The following EGFR variants were observed in gnomAD, a reference collection of about 807,000 sequenced individuals.
EGFR encodes avian erythroblastic leukemia viral (v-erb-b) oncogene homolog.
Under a neutral mutation model 143.0 loss-of-function variants are expected in EGFR, and 58 were observed. The ratio of observed to expected loss-of-function variants is 0.41; its 90% CI spans 0.33 to 0.50. The LOEUF (loss-of-function observed/expected upper bound fraction) is 0.50, where lower values mean the gene tolerates loss of function less well. EGFR is among the 20% of genes least tolerant of loss of function. The pLI is 0.39. For missense variants in EGFR, 1,307 were observed against 1,579.0 expected (o/e 0.83, Z 2.92); for synonymous variants, 613 against 594.4 (o/e 1.03, Z -0.45).
At position 55,019,244 on chromosome 7, in the gene EGFR, G is replaced by C. The variant is rs2128853183; in HGVS notation, c.-34G>C. 2.7e-6 allele frequency: 4 copies of C among 1,457,096 alleles called. No homozygotes were observed. Among genetic ancestry groups the C allele is most frequent in the East Asian group, 3.0e-5 (1 of 33,004 alleles). The allele number at this position is 1,457,096 out of a possible 1,614,324, so 90.3% of individuals were successfully genotyped here. A position where few individuals can be genotyped will look rare whatever the true frequency, so the allele number is the denominator to read the frequency against. On this transcript the variant is annotated 5_prime_UTR_variant, in exon 1 of 28. Coordinates refer to ENST00000275493, the MANE Select transcript of EGFR (RefSeq NM_005228.5). The stretch of plus-strand genomic sequence containing the variant: ...CCCCTGACTCCGTCCAGTATTGATC[G>C]GGAGAGCCGGAGCGAGCTCTTCGGG...
At chr7:55,155,752 G>A (rs1785377261) in intron 7 of EGFR, 78 bp from the exon 8 acceptor site, 3 of 1,095,312 alleles carry the variant, frequency 2.7e-6, no homozygotes, top group East Asian at 2.4e-5. Context: ...CACCCCTCAA[G>A]AGGACCTGGA....
At chr7:55,170,356 T>C (rs2128950510) in intron 15 of EGFR, 1 of 1,614,194 alleles carries the variant, frequency 6.2e-7, no homozygotes, top group Non-Finnish European at 8.5e-7. Context: ...TTTTAAACTA[T>C]CATCCTGTAA....
rs1252555611 is a variant in EGFR at position 55,156,774 on chromosome 7, T to C, written c.1149T>C (p.His383=). The C allele has an allele frequency of 1.2e-6, 2 of 1,614,212 alleles. No individual in the cohort carries two copies. Among genetic ancestry groups the C allele is most frequent in the Non-Finnish European group, 8.5e-7 (1 of 1,180,036 alleles). Residue 383 remains histidine (H), a synonymous_variant, in exon 10 of 28, where the codon CAT becomes CAC. Coordinates refer to ENST00000275493, the MANE Select transcript of EGFR (RefSeq NM_005228.5). ...TTTGTTTCAGTGACTCCTTCACACA[T>C]ACTCCTCCTCTGGATCCACAGGAAC... The part of the protein sequence containing the change: ...PVAFRGDSFT[H]TPPLDPQELD...
intron 5 of EGFR, 37 bp downstream of exon 5, chr7:55,151,399 G>A (rs377574069): frequency 1.2e-5 from 19 of 1,602,704 alleles, no homozygotes; most frequent in Middle Eastern, 1.7e-4. Flanking sequence ...ATGTGTGACC[G>A]CCCCTCTCTT....
chr7:55,173,918 C>A lies in EGFR; in HGVS notation c.2062-3C>A, dbSNP rs778075962. 1.2e-6 allele frequency: 2 copies of A among 1,614,148 alleles called. No homozygotes were observed. Among genetic ancestry groups the A allele is most frequent in the Admixed American group, 1.7e-5 (1 of 60,016 alleles). On this transcript the variant is annotated splice_region_variant and splice_polypyrimidine_tract_variant and intron_variant, in intron 17 of 27. Coordinates refer to ENST00000275493, the MANE Select transcript of EGFR (RefSeq NM_005228.5). ...CTTGTCTCTGTGTTCTTGTCCCCCC[C>A]AGCTTGTGGAGCCTCTTACACCCAG... is the stretch of plus-strand genomic sequence containing the variant.
chr7:55,141,806 G>A (rs528375101), intron 1 of EGFR, among the ~76,000 whole-genome samples: 1 of 152,232 alleles, frequency 6.6e-6, no homozygotes, highest in South Asian at 2.1e-4. Context: ...GAAGTAAAAA[G>A]TTCATTATAT....
intron 24 of EGFR, 135 bp from the exon 25 acceptor site, chr7:55,201,053 A>C: frequency 9.1e-7 from 1 of 1,096,510 alleles, no homozygotes; most frequent in Non-Finnish European, 1.4e-6. Flanking sequence ...AATTTAGAGA[A>C]CCAAGGGGGA....
rs139697677 is a variant in EGFR, at chr7:55,145,324, G to A, written c.425-1282G>A. On this transcript the variant is annotated intron_variant, in intron 3 of 27. Transcript: ENST00000275493. ...CCTGAGTTCCATCCACCTGTGCATG[G>A]CTTTTTCATGAGTGTTTTCACGGAT... Among the ~76,000 whole-genome samples, 119 of 152,304 alleles carry A rather than the reference G, an allele frequency of 7.8e-4. No individual in the cohort carries two copies. In the Middle Eastern group the frequency reaches 0.01, roughly 13 times the overall value.
At chr7:55,110,686 G>T (rs1035588267) in intron 1 of EGFR, among the ~76,000 whole-genome samples, 8 of 152,228 alleles carry the variant, frequency 5.3e-5, no homozygotes, top group African/African-American at 1.9e-4. Context: ...TCTGTTTCCT[G>T]TTCGGATCCG....
chr7:55,059,756 G>C (rs1789058337), intron 1 of EGFR, among the ~76,000 whole-genome samples: 1 of 152,136 alleles, frequency 6.6e-6, no homozygotes, highest in Non-Finnish European at 1.5e-5. Context: ...GTAGACTTCT[G>C]TAAATACTCA....
chr7:55,170,613 G>A, intron 15 of EGFR: 1 of 1,604,756 alleles, frequency 6.2e-7, no homozygotes, highest in Middle Eastern at 2.0e-4. Context: ...GGGCCGCCAG[G>A]TTCCCAAGAG....
intron 1 of EGFR, among the ~76,000 whole-genome samples, chr7:55,120,026 G>A (rs1793102847): frequency 6.6e-6 from 1 of 152,242 alleles, no homozygotes; most frequent in Admixed American, 6.5e-5. Context: ...AGGCCAGTAT[G>A]CTGACTGGGT....
intron 1 of EGFR, among the ~76,000 whole-genome samples, chr7:55,080,273 T>C (rs750188597): frequency 1.3e-5 from 2 of 152,062 alleles, no homozygotes; most frequent in Non-Finnish European, 2.9e-5. Context: ...TTAATAGTTA[T>C]AATAATCAGG....
rs552062864 is a variant in EGFR at position 55,155,880 on chromosome 7, G to C, written c.940G>C (p.Asp314His). ...CTCGTGCGTCCGAGCCTGTGGGGCC[G>C]ACAGCTATGAGATGGAGGAAGACGG... ...HGSCVRACGA[D>H]SYEMEEDGVR... The change falls in exon 8 of 28, where the codon GAC becomes CAC. Residue 314 changes from aspartate (D) to histidine (H), a missense_variant. By Grantham distance (81) the Asp-to-His change is moderately conservative (BLOSUM62 -1). Around this residue, in one of 7 missense-constraint regions of EGFR, gnomAD observed 311 missense variants for 412.3 expected, o/e 0.75. Coordinates refer to ENST00000275493, the MANE Select transcript of EGFR (RefSeq NM_005228.5). 1 of 1,613,906 alleles carries C rather than the reference G, an allele frequency of 6.2e-7. No homozygotes were observed. Among genetic ancestry groups the C allele is most frequent in the Non-Finnish European group, 8.5e-7 (1 of 1,180,032 alleles).
At chr7:55,028,026 A>ATG (rs1491096841) in intron 1 of EGFR, among the ~76,000 whole-genome samples, 10 of 105,758 alleles carry the variant, frequency 9.5e-5, no homozygotes, top group Non-Finnish European at 1.6e-4. Flanking sequence ...ATATATATAT[A>ATG]CACACACACA....
intron 1 of EGFR, among the ~76,000 whole-genome samples, chr7:55,032,459 C>T (rs919090986): frequency 6.6e-6 from 1 of 152,196 alleles, no homozygotes; most frequent in African/African-American, 2.4e-5. Flanking sequence ...AGAACGGCAC[C>T]AGCACACACT....
chr7:55,019,331 C>A lies in EGFR; in HGVS notation c.54C>A (p.Leu18=). 1 of 1,521,744 alleles carries A rather than the reference C, an allele frequency of 6.6e-7. No individual in the cohort carries two copies. The highest frequency in any genetic ancestry group is 1.2e-5 in the South Asian group (1 of 84,120). 94.3% of individuals were successfully genotyped at this position (1,521,744 alleles called of 1,614,324 possible). ...GAALLALLAA[L]CPASRALEEK... is the part of the protein sequence containing the mutation. The stretch of plus-strand genomic sequence containing the variant: ...CGCTCCTGGCGCTGCTGGCTGCGCT[C>A]TGCCCGGCGAGTCGGGCTCTGGAGG... Residue 18 remains leucine (L), a synonymous_variant, in exon 1 of 28, where the codon CTC becomes CTA. Coordinates refer to ENST00000275493, the MANE Select transcript of EGFR (RefSeq NM_005228.5).
At chr7:55,107,415 TG>T (rs1344430739) in intron 1 of EGFR, among the ~76,000 whole-genome samples, 1 of 152,260 alleles carries the variant, frequency 6.6e-6, no homozygotes, top group Non-Finnish European at 1.5e-5. Flanking sequence ...TTTCTTTTTT[TG>T]TTTTCCGTGG....
At chr7:55,133,957 C>T (rs938750133) in intron 1 of EGFR, among the ~76,000 whole-genome samples, 12 of 152,200 alleles carry the variant, frequency 7.9e-5, no homozygotes, top group African/African-American at 2.2e-4. Flanking sequence ...AAAGTCTCAG[C>T]GCAGAGATTA....
Sources: gnomAD v4.1 joint callset for allele counts (sites outside exome capture counted in the v4.1 genomes callset) on GRCh38, gnomAD v4.1.1 for gene constraint, gnomAD v4.1.1 regional missense constraint, MANE v1.5 for transcripts, NCBI Gene and HGNC (gene_info 2026-07-23, HGNC 2026-07-21) for gene names.